Variants in OPCML observed in about 807,000 individuals in gnomAD.
The protein encoded by OPCML is opioid-binding protein/cell adhesion molecule.
A neutral mutation model predicts 37.8 loss-of-function variants in OPCML; 13 were observed. The ratio of observed to expected loss-of-function variants is 0.34; its 90% CI spans 0.22 to 0.55. OPCML has a LOEUF of 0.55. OPCML is among the 20% of genes least tolerant of loss of function. The pLI is 0.91. For missense variants in OPCML, 341 were observed against 435.6 expected, an observed-to-expected ratio of 0.78 and a Z score of 1.93; for synonymous variants, 176 against 168.8, an observed-to-expected ratio of 1.04 and a Z score of -0.33.
intron 1 of OPCML, among the ~76,000 whole-genome samples, chr11:133,141,607 C>T (rs1362506802): frequency 3.3e-5 from 5 of 152,106 alleles, no homozygotes; most frequent in Non-Finnish European, 7.3e-5. Context: ...TTGAATCTCA[C>T]CTTTCTCCTG....
intron 1 of OPCML, among the ~76,000 whole-genome samples, chr11:133,076,324 C>T (rs963291800): frequency 2.0e-5 from 3 of 152,078 alleles, no homozygotes; most frequent in East Asian, 3.9e-4. Flanking sequence ...AGCTGAATTC[C>T]TCAGGTTTTG....
intron 3 of OPCML, among the ~76,000 whole-genome samples, chr11:132,554,929 G>A (rs73034694): frequency 0.2 from 25,707 of 126,402 alleles, 2,850 homozygotes; most frequent in East Asian, 0.54. Context: ...GATCTGAGAC[G>A]TAGAGTTTCT....
chr11:133,244,433 C>A (rs1483937615), intron 1 of OPCML, among the ~76,000 whole-genome samples: 1 of 151,958 alleles, frequency 6.6e-6, no homozygotes, highest in East Asian at 1.9e-4. Flanking sequence ...ATGAGTTAAC[C>A]TAATAAGGTA....
rs1937634814 is a variant in OPCML at position 133,177,928 on chromosome 11, C to G, written c.62-234918G>C. ...TGGCCTCTTTCAAGAGGCCTCTGTT[C>G]TTTTGAACCACACTGAATAAATGAG... On this transcript the variant is annotated intron_variant, in intron 1 of 7. Transcript: ENST00000524381. This position sits in a 1 kb window ranked among gnomAD's most constrained non-coding sequence, Gnocchi z 5.0. Among the ~76,000 whole-genome samples the G allele has an allele frequency of 6.6e-6, 1 of 152,218 alleles. No homozygotes were observed. The highest frequency in any genetic ancestry group is 2.1e-4 in the South Asian group (1 of 4,828).
rs115752759 is a variant in OPCML, at chr11:132,714,727, C to T, written c.147-57408G>A. Among the ~76,000 whole-genome samples, 26 of 152,128 alleles carry T rather than the reference C, an allele frequency of 1.7e-4. 1 individual carries two copies. The highest frequency in any genetic ancestry group is 5.3e-4 in the African/African-American group (22 of 41,468). On this transcript the variant is annotated intron_variant, in intron 2 of 7. Transcript: ENST00000524381. The stretch of plus-strand genomic sequence containing the variant: ...TGGGCCTTGCAAATTAGCACCCCTG[C>T]GGCCTGAAATACATATCTTTTCAAG...
chr11:132,592,970 T>G (rs1412576962), intron 3 of OPCML, among the ~76,000 whole-genome samples: 2 of 152,160 alleles, frequency 1.3e-5, no homozygotes. Context: ...GGAGAGAGCA[T>G]GTTCACGGAG....
intron 1 of OPCML, among the ~76,000 whole-genome samples, chr11:133,277,451 A>G (rs924336154): frequency 6.6e-6 from 1 of 152,140 alleles, no homozygotes; most frequent in Non-Finnish European, 1.5e-5. Flanking sequence ...TTTATACATT[A>G]GTTTAGGCAT....
intron 1 of OPCML, among the ~76,000 whole-genome samples, chr11:133,260,029 G>C (rs1941441483): frequency 6.6e-6 from 1 of 152,042 alleles, no homozygotes; most frequent in Non-Finnish European, 1.5e-5. Context: ...CCAAGAAAGG[G>C]AGATGGGGAG....
intron 2 of OPCML, among the ~76,000 whole-genome samples, chr11:132,803,373 G>A (rs903355639): frequency 6.6e-6 from 1 of 152,120 alleles, no homozygotes; most frequent in African/African-American, 2.4e-5. Flanking sequence ...TCTTTTGGTG[G>A]CACATTTTAT....
intron 3 of OPCML, among the ~76,000 whole-genome samples, chr11:132,634,754 G>C (rs1940377485): frequency 6.6e-6 from 1 of 152,060 alleles, no homozygotes; most frequent in Non-Finnish European, 1.5e-5. Flanking sequence ...AGGTTGTAAG[G>C]CATTCATGAC....
chr11:132,961,898 A>G (rs11223299), intron 1 of OPCML, among the ~76,000 whole-genome samples: 34,248 of 152,128 alleles, frequency 0.23, 4,182 homozygotes, highest in African/African-American at 0.31. Context: ...AGGCTCAGAA[A>G]TTACCTTCCC....
At chr11:133,165,093 A>G (rs1321262209) in intron 1 of OPCML, among the ~76,000 whole-genome samples, 4 of 152,362 alleles carry the variant, frequency 2.6e-5, no homozygotes, top group Admixed American at 2.0e-4. Flanking sequence ...AGAGCAAAAC[A>G]TATTTGTGAT....
chr11:132,808,055 A>C (rs923828584), intron 2 of OPCML, among the ~76,000 whole-genome samples: 12 of 152,228 alleles, frequency 7.9e-5, no homozygotes, highest in African/African-American at 2.7e-4. Flanking sequence ...ATCAAGCTAC[A>C]TGAAATTGCT....
At chr11:132,824,787 T>G (rs965701138) in intron 2 of OPCML, among the ~76,000 whole-genome samples, 3 of 152,196 alleles carry the variant, frequency 2.0e-5, no homozygotes, top group African/African-American at 7.2e-5. Flanking sequence ...CAACCACCTT[T>G]CTGTGATTGT....
intron 4 of OPCML, among the ~76,000 whole-genome samples, chr11:132,494,053 C>T (rs374028433): frequency 1.3e-5 from 2 of 152,224 alleles, no homozygotes; most frequent in African/African-American, 4.8e-5. Flanking sequence ...CCTTTGGCAG[C>T]CTTACAGGCC....
At chr11:133,072,979 G>T (rs932080180) in intron 1 of OPCML, among the ~76,000 whole-genome samples, 1 of 152,216 alleles carries the variant, frequency 6.6e-6, no homozygotes, top group African/African-American at 2.4e-5. Context: ...AGAAAGGGAC[G>T]GTGAAACCTG....
chr11:133,444,460 GAGTT>G (rs1946429606), intron 1 of OPCML, among the ~76,000 whole-genome samples: 1 of 152,156 alleles, frequency 6.6e-6, no homozygotes, highest in Admixed American at 6.5e-5. Context: ...TTGAGAGACT[GAGTT>G]AGTTATATAT....
At chr11:132,868,453 G>T (rs954080067) in intron 2 of OPCML, among the ~76,000 whole-genome samples, 3 of 152,002 alleles carry the variant, frequency 2.0e-5, no homozygotes, top group African/African-American at 7.3e-5. Context: ...GTTGTTTTTA[G>T]ACAAGTCACT....
chr11:133,320,780 G>A (rs1258134421), intron 1 of OPCML, among the ~76,000 whole-genome samples: 2 of 152,172 alleles, frequency 1.3e-5, no homozygotes, highest in African/African-American at 4.8e-5. Flanking sequence ...GTTTTCCTGG[G>A]TCTGTGCTGT....
Sources: allele counts gnomAD v4.1 joint callset (sites outside exome capture counted in the v4.1 genomes callset), GRCh38; gene constraint gnomAD v4.1.1; non-coding constraint Gnocchi (gnomAD v3.1); transcripts MANE v1.5; gene names NCBI Gene and HGNC (gene_info 2026-07-23, HGNC 2026-07-21).